SCYL2: variants seen among roughly 807,000 people sequenced by gnomAD.
SCYL2 encodes SCY1 like pseudokinase 2.
A neutral mutation model predicts 100.4 loss-of-function variants in SCYL2; 36 were observed. The observed-to-expected ratio is 0.36, with a 90% CI of 0.27 to 0.47. The LOEUF is 0.47. Ranked by LOEUF, SCYL2 falls within the 20% of genes least tolerant of loss-of-function variation. The probability of loss-of-function intolerance (pLI) is 1.00; values close to 1 mark genes in which losing one functional copy is unlikely to be tolerated. For synonymous variants in SCYL2, 330 were observed against 359.2 expected (o/e 0.92, Z 0.92); for missense variants, 902 against 1,083.9 (o/e 0.83, Z 2.36).
chr12:100,271,667 A>T (rs2096287848), intron 1 of SCYL2, among the ~76,000 whole-genome samples: 1 of 152,212 alleles, frequency 6.6e-6, no homozygotes, highest in Admixed American at 6.5e-5. Context: ...GAAAGTTATT[A>T]AATGTAACTT....
chr12:100,305,934 CA>C (rs903660020), intron 4 of SCYL2, among the ~76,000 whole-genome samples: 9 of 152,056 alleles, frequency 5.9e-5, no homozygotes, highest in African/African-American at 2.2e-4. Flanking sequence ...TGGACACATA[CA>C]CCCTCCCAAG....
At chr12:100,272,337 G>T (rs893891107) in intron 1 of SCYL2, among the ~76,000 whole-genome samples, 1 of 152,168 alleles carries the variant, frequency 6.6e-6, no homozygotes, top group South Asian at 2.1e-4. Context: ...GGACTCTTAG[G>T]TTTCTTATAT....
intron 4 of SCYL2, among the ~76,000 whole-genome samples, chr12:100,308,262 A>G (rs1415369108): frequency 2.6e-5 from 4 of 152,232 alleles, no homozygotes; most frequent in Non-Finnish European, 5.9e-5. Flanking sequence ...GATAGATTGG[A>G]TAAAGAAAAT....
At chr12:100,318,063 T>TATCAATAA in intron 10 of SCYL2, 138 bp downstream of exon 10, 1 of 756,090 alleles carries the variant, frequency 1.3e-6, no homozygotes, top group Non-Finnish European at 2.0e-6. Flanking sequence ...AATCACATTA[T>TATCAATAA]TGATATACTG....
rs765890875 is a variant in SCYL2 at position 100,283,063 on chromosome 12, A to T, written c.93A>T (p.Glu31Asp). Residue 31 changes from glutamate to aspartate, a missense_variant, in exon 2 of 18, where the codon GAA (glutamate) becomes GAT (aspartate). By Grantham distance (45) the Glu-to-Asp change is conservative (BLOSUM62 2). Transcript: ENST00000360820. ...TAATGGGAAATCCTGTCACTAGAGA[A>T]TTTGATGTTGGTCGACACATTGCCA... ...SAVMGNPVTR[E>D]FDVGRHIASG... is the part of the protein sequence containing the mutation. 6.2e-7 allele frequency: 1 copy of T among 1,613,566 alleles called. No homozygotes were observed. Among genetic ancestry groups the T allele is most frequent in the Non-Finnish European group, 8.5e-7 (1 of 1,179,770 alleles).
chr12:100,329,587 G>A (rs1371628959), intron 13 of SCYL2, among the ~76,000 whole-genome samples: 7 of 152,158 alleles, frequency 4.6e-5, no homozygotes, highest in Non-Finnish European at 8.8e-5. Context: ...GAAGAACAAA[G>A]TTATAGAATG....
chr12:100,297,313 C>A (rs1285416225), intron 3 of SCYL2, among the ~76,000 whole-genome samples: 1 of 152,146 alleles, frequency 6.6e-6, no homozygotes, highest in Non-Finnish European at 1.5e-5. Context: ...TCCATTGTTA[C>A]CAAGACAGCA....
chr12:100,335,842 C>T lies in SCYL2; in HGVS notation c.1961C>T (p.Ala654Val), dbSNP rs1952269243. 1 of 1,613,274 alleles carries T rather than the reference C, an allele frequency of 6.2e-7. No individual in the cohort carries two copies. ...GACAAAGTTTTTAACAACATTGGAG[C>T]AGACCTTCTGACTGGCAGTGAGTCC... The part of the protein sequence containing the change: ...QIDKVFNNIG[A>V]DLLTGSESEN... Residue 654 changes from alanine (A) to valine (V), a missense_variant, in exon 16 of 18, where the codon GCA becomes GTA. Coordinates refer to ENST00000360820, the MANE Select transcript of SCYL2 (RefSeq NM_017988.6).
chr12:100,339,340 C>A lies in SCYL2; in HGVS notation c.*168C>A. 1.5e-6 allele frequency: 1 copy of A among 670,856 alleles called. No homozygotes were observed. Among genetic ancestry groups the A allele is most frequent in the Non-Finnish European group, 2.4e-6 (1 of 420,012 alleles). 41.6% of individuals were successfully genotyped at this position (670,856 alleles called of 1,614,324 possible). The stretch of plus-strand genomic sequence containing the variant: ...GCATAGTAGTTGTATGGACTTCTAA[C>A]CAGTTGAGTTTTTTAAAGCATTGAG... On this transcript the variant is annotated 3_prime_UTR_variant, in exon 18 of 18. Coordinates refer to ENST00000360820, the MANE Select transcript of SCYL2 (RefSeq NM_017988.6).
intron 1 of SCYL2, among the ~76,000 whole-genome samples, chr12:100,281,740 AG>A (rs1322731899): frequency 6.6e-6 from 1 of 151,598 alleles, no homozygotes; most frequent in Non-Finnish European, 1.5e-5. Context: ...AGGCTGAGGC[AG>A]GAGAATGGCG....
In SCYL2 at chr12:100,267,252, T is replaced by G. The variant is rs915388831; in HGVS notation, c.-569T>G. The G allele has an allele frequency of 1.1e-5, 7 of 661,416 alleles. No homozygotes were observed. 41.0% of individuals were successfully genotyped at this position (661,416 alleles called of 1,614,324 possible). ...CCCCTTTCCTTCTAGCTCCGACGTT[T>G]GCGGCCGCGGGGGCGGCGGAGGATA... is the stretch of plus-strand genomic sequence containing the variant. On this transcript the variant is annotated 5_prime_UTR_variant, in exon 1 of 18. Transcript: ENST00000360820.
At chr12:100,287,809 A>G (rs2096306052) in intron 2 of SCYL2, among the ~76,000 whole-genome samples, 1 of 152,180 alleles carries the variant, frequency 6.6e-6, no homozygotes, top group Non-Finnish European at 1.5e-5. Context: ...AATTTTTGTT[A>G]ATAAAAAGTT....
chr12:100,311,054 G>C lies in SCYL2; in HGVS notation c.491G>C (p.Gly164Ala), dbSNP rs1473784105. The change falls in exon 5 of 18, where the codon GGA (glycine) becomes GCA (alanine). Residue 164 changes from glycine (G) to alanine (A), a missense_variant. Transcript: ENST00000360820. ...TKYGLLQVSE[G>A]LSFLHSSVKM... ...TTTTTCCATTTACAGGTTTCTGAAG[G>C]ATTGTCATTCTTGCATAGCAGTGTG... is the stretch of plus-strand genomic sequence containing the variant. The C allele has an allele frequency of 1.3e-6, 2 of 1,560,656 alleles. No homozygotes were observed. The highest frequency in any genetic ancestry group is 2.8e-5 in the African/African-American group (2 of 72,408).
At chr12:100,335,464 G>T in intron 14 of SCYL2, 161 bp from the exon 15 acceptor site, 2 of 548,468 alleles carry the variant, frequency 3.6e-6, no homozygotes, top group South Asian at 5.6e-5. Context: ...TATTTTTGGG[G>T]CAAGCAGACA....
intron 1 of SCYL2, among the ~76,000 whole-genome samples, chr12:100,273,927 T>C (rs1397168477): frequency 6.6e-6 from 1 of 152,200 alleles, no homozygotes; most frequent in Non-Finnish European, 1.5e-5. Flanking sequence ...CAGGCAGCGT[T>C]AGAGGAATAG....
intron 10 of SCYL2, among the ~76,000 whole-genome samples, chr12:100,318,451 C>T (rs960863876): frequency 2.0e-5 from 3 of 151,896 alleles, no homozygotes; most frequent in Admixed American, 6.6e-5. Flanking sequence ...CTGCCTCAGC[C>T]TCCCTAGTAG....
intron 10 of SCYL2, among the ~76,000 whole-genome samples, chr12:100,322,372 CAAAAA>C (rs34959294): frequency 8.1e-5 from 5 of 61,830 alleles, no homozygotes; most frequent in Admixed American, 5.6e-4. Flanking sequence ...GACTCCGTCT[CAAAAA>C]AAAAAAAAAA....
intron 4 of SCYL2, among the ~76,000 whole-genome samples, chr12:100,309,950 AATT>A (rs1202537661): frequency 1.3e-5 from 2 of 151,732 alleles, no homozygotes; most frequent in African/African-American, 4.8e-5. Context: ...TCTCTATTTT[AATT>A]ATCCCATGGT....
Position 100,329,198 on chromosome 12 carries a change from C to G in SCYL2, c.1643-3C>G, listed in dbSNP as rs777853654. Reference sequence around the variant, plus strand: ...TAAAATTTGTCACATTCTTTTCTATCAGGTATTTACAAATGTACTTTTACT... The same window carrying G: ...TAAAATTTGTCACATTCTTTTCTATGAGGTATTTACAAATGTACTTTTACT... On this transcript the variant is annotated splice_polypyrimidine_tract_variant and splice_region_variant and intron_variant, in intron 12 of 17. Transcript: ENST00000360820. The G allele has an allele frequency of 7.1e-7, 1 of 1,407,018 alleles. No homozygotes were observed. The highest frequency in any genetic ancestry group is 1.0e-6 in the Non-Finnish European group (1 of 992,800). 87.2% of individuals were successfully genotyped at this position (1,407,018 alleles called of 1,614,324 possible).
Sources: gnomAD v4.1 joint callset for allele counts (sites outside exome capture counted in the v4.1 genomes callset) on GRCh38, gnomAD v4.1.1 for gene constraint, MANE v1.5 for transcripts, NCBI Gene and HGNC (gene_info 2026-07-23, HGNC 2026-07-21) for gene names.